GRM8: variants seen among roughly 807,000 people sequenced by gnomAD.
GRM8 encodes glutamate metabotropic receptor 8.
GRM8 carries 47 observed loss-of-function variants against 87.2 expected under a neutral mutation model. The observed-to-expected ratio is 0.54, with a 90% confidence interval of 0.43 to 0.69. The LOEUF is 0.69. GRM8 is among the 30% of genes least tolerant of loss of function. GRM8 has a pLI of 0.00. For missense variants in GRM8, 1,019 were observed against 1,139.2 expected, an observed-to-expected ratio of 0.89 and a Z score of 1.52; for synonymous variants, 396 against 404.5, an observed-to-expected ratio of 0.98 and a Z score of 0.25.
intron 2 of GRM8, among the ~76,000 whole-genome samples, chr7:127,194,612 T>C (rs1331650877): frequency 1.3e-5 from 2 of 152,080 alleles, no homozygotes; most frequent in Non-Finnish European, 2.9e-5. Flanking sequence ...ACTTGGAAAA[T>C]GGCCCCATTC....
chr7:126,548,319 A>AT (rs1235933478), intron 8 of GRM8, among the ~76,000 whole-genome samples: 2 of 65,620 alleles, frequency 3.0e-5, no homozygotes, highest in African/African-American at 8.8e-5. Flanking sequence ...TATAATAATA[A>AT]AAAAAAAAAG....
chr7:126,940,231 G>A (rs1421050646), intron 3 of GRM8, among the ~76,000 whole-genome samples: 1 of 152,132 alleles, frequency 6.6e-6, no homozygotes, highest in Admixed American at 6.5e-5. Context: ...ATTTAGCATG[G>A]CTTATTTAAT....
rs567046286 is a variant in GRM8 at position 126,461,708 on chromosome 7, C to T, written c.2431-15336G>A. Among the ~76,000 whole-genome samples, 8 of 151,740 alleles carry T rather than the reference C, an allele frequency of 5.3e-5. No individual in the cohort carries two copies. In the East Asian group the frequency reaches 1.6e-3, roughly 30 times the overall value. On this transcript the variant is annotated intron_variant, in intron 9 of 10. Coordinates refer to ENST00000339582, the MANE Select transcript of GRM8 (RefSeq NM_000845.3). ...GTTCTGGCTCTGGTACCTAGGCTTG[C>T]TCTCAATCCCAAATGATGCTGTTAT...
intron 3 of GRM8, among the ~76,000 whole-genome samples, chr7:126,961,915 AGAG>A (rs1042769380): frequency 6.6e-6 from 1 of 152,188 alleles, no homozygotes; most frequent in African/African-American, 2.4e-5. Context: ...TATCCAGCAT[AGAG>A]GAGACTTGAT....
At position 126,797,257 on chromosome 7, in the gene GRM8, C is replaced by T. The variant is rs559363041; in HGVS notation, c.1157-27192G>A. Among the ~76,000 whole-genome samples, 10 of 151,990 alleles carry T rather than the reference C, an allele frequency of 6.6e-5. No homozygotes were observed. The South Asian group carries it at 2.1e-3, about 31-fold the overall frequency. On this transcript the variant is annotated intron_variant, in intron 6 of 10. Coordinates refer to ENST00000339582, the MANE Select transcript of GRM8 (RefSeq NM_000845.3). ...ACTTAATAAGAGTTACCACGCTAAA[C>T]CTCTTAATTTTTATAAATACTTCAT...
At chr7:126,511,714 G>A (rs901842673) in intron 9 of GRM8, 1 of 152,098 alleles carries the variant, frequency 6.6e-6, no homozygotes, top group Non-Finnish European at 1.5e-5. Flanking sequence ...GAAAACTGTC[G>A]AGAAAATATG....
intron 2 of GRM8, among the ~76,000 whole-genome samples, chr7:127,136,202 G>T (rs1827937924): frequency 6.6e-6 from 1 of 151,600 alleles, no homozygotes; most frequent in Admixed American, 6.6e-5. Flanking sequence ...TGTGTAACTT[G>T]CTAGAATTGG....
chr7:126,873,804 T>A (rs1799305876), intron 6 of GRM8, among the ~76,000 whole-genome samples: 1 of 152,098 alleles, frequency 6.6e-6, no homozygotes. Context: ...AGAAAATGCA[T>A]CCATGATCTC....
chr7:126,640,261 TAAG>T (rs1285562179), intron 7 of GRM8, among the ~76,000 whole-genome samples: 1 of 152,206 alleles, frequency 6.6e-6, no homozygotes, highest in African/African-American at 2.4e-5. Flanking sequence ...CATGAGGTGT[TAAG>T]AAGGAGAGGT....
chr7:126,584,490 G>A (rs1012955928), intron 8 of GRM8, among the ~76,000 whole-genome samples: 5 of 152,150 alleles, frequency 3.3e-5, no homozygotes, highest in Non-Finnish European at 5.9e-5. Flanking sequence ...TTTGTTGACC[G>A]ATTGTCTCAA....
rs545818228 is a variant in GRM8, at chr7:126,446,383, A to T, written c.2431-11T>A. 5.8e-6 allele frequency: 8 copies of T among 1,368,028 alleles called. No individual in the cohort carries two copies. The East Asian group carries it at 1.2e-4, about 21-fold the overall frequency. The allele number at this position is 1,368,028 out of a possible 1,614,324, so 84.7% of individuals were successfully genotyped here. On this transcript the variant is annotated splice_polypyrimidine_tract_variant and intron_variant, in intron 9 of 10. Coordinates refer to ENST00000339582, the MANE Select transcript of GRM8 (RefSeq NM_000845.3). The stretch of plus-strand genomic sequence containing the variant: ...TGTCTGGATGTACATCTGAGGGAAG[A>T]AAAAAAAAAGAATCACTGTTGGTAA...
intron 9 of GRM8, among the ~76,000 whole-genome samples, chr7:126,526,979 G>A (rs987345571): frequency 2.0e-5 from 3 of 152,054 alleles, no homozygotes; most frequent in Non-Finnish European, 2.9e-5. Flanking sequence ...ACAAAAAATC[G>A]ACCGTAATAC....
intron 9 of GRM8, among the ~76,000 whole-genome samples, chr7:126,464,581 T>C (rs190390334): frequency 1.1e-3 from 165 of 151,754 alleles, no homozygotes; most frequent in Middle Eastern, 3.4e-3. Context: ...GTGGAGGTGA[T>C]TTTTCTCTGT....
intron 3 of GRM8, among the ~76,000 whole-genome samples, chr7:126,958,266 G>A (rs1439209576): frequency 6.6e-6 from 1 of 152,144 alleles, no homozygotes; most frequent in Non-Finnish European, 1.5e-5. Context: ...CACAGACAGG[G>A]CTGAAAAACG....
At chr7:126,942,862 A>G (rs1807117463) in intron 3 of GRM8, among the ~76,000 whole-genome samples, 3 of 152,168 alleles carry the variant, frequency 2.0e-5, no homozygotes. Flanking sequence ...GAGTACTCTC[A>G]CTGGGCAGGT....
intron 8 of GRM8, among the ~76,000 whole-genome samples, chr7:126,571,676 A>G (rs1005890496): frequency 2.6e-5 from 4 of 152,062 alleles, no homozygotes; most frequent in Admixed American, 2.0e-4. Context: ...CAGATCAGAA[A>G]TCTAGGGCAA....
chr7:127,002,747 G>C (rs929941038), intron 3 of GRM8, among the ~76,000 whole-genome samples: 1 of 151,662 alleles, frequency 6.6e-6, no homozygotes, highest in African/African-American at 2.4e-5. Flanking sequence ...AGCCAGGAAT[G>C]ATTTTAAAAC....
chr7:126,762,218 A>G (rs529207750), intron 7 of GRM8, among the ~76,000 whole-genome samples: 1 of 152,316 alleles, frequency 6.6e-6, no homozygotes, highest in African/African-American at 2.4e-5. Flanking sequence ...AAGAAAGACA[A>G]TAAGAACACT....
At chr7:127,218,584 C>G (rs1006839892) in intron 2 of GRM8, among the ~76,000 whole-genome samples, 7 of 152,272 alleles carry the variant, frequency 4.6e-5, no homozygotes, top group Non-Finnish European at 8.8e-5. Context: ...GAGAAGGGAA[C>G]CTGGTGCATA....
Sources: gnomAD v4.1 joint callset for allele counts (sites outside exome capture counted in the v4.1 genomes callset) on GRCh38, gnomAD v4.1.1 for gene constraint, MANE v1.5 for transcripts, NCBI Gene and HGNC (gene_info 2026-07-23, HGNC 2026-07-21) for gene names.